The following CLEC20A variants were observed in gnomAD, a reference collection of about 807,000 sequenced individuals.
CLEC20A encodes the protein C-type lectin domain containing 20A.
At chr1:178,498,666 A>G (rs1458254106), upstream of CLEC20A, among the ~76,000 whole-genome samples, 1 of 152,180 alleles carries the variant, frequency 6.6e-6, no homozygotes, top group Admixed American at 6.5e-5. Flanking sequence ...TGGGGAACCA[A>G]AAACAGCTTG....
chr1:178,493,365 A>G (rs532760709), intron 2 of CLEC20A: 2 of 152,546 alleles, frequency 1.3e-5, no homozygotes, highest in African/African-American at 4.8e-5. Flanking sequence ...CATGTTGGGC[A>G]CATGTTGAGG....
At chr1:178,494,701 C>T in exon 2 of CLEC20A, 2 of 399,370 alleles carry the variant, frequency 5.0e-6, no homozygotes, top group Non-Finnish European at 4.4e-6. Context: ...CACTTGGCTG[C>T]AGGTCAGCGA....
intron 7 of CLEC20A, chr1:178,481,617 T>C (rs1391349507): frequency 6.6e-6 from 1 of 152,140 alleles, no homozygotes; most frequent in East Asian, 1.9e-4. Context: ...AAAAATAAAG[T>C]CTGGAACAAA....
At chr1:178,490,503 C>T (rs1474536698) in intron 3 of CLEC20A, 66 bp from the exon 4 acceptor site, 4 of 398,064 alleles carry the variant, frequency 1.0e-5, no homozygotes, top group Non-Finnish European at 1.8e-5. Context: ...CAGCCTTCAT[C>T]ACCCTTGGGG....
At chr1:178,483,348 TG>T (rs1233839255) in intron 5 of CLEC20A, 66 bp from the exon 6 acceptor site, 1 of 397,906 alleles carries the variant, frequency 2.5e-6, no homozygotes, top group East Asian at 3.6e-5. Context: ...CTGATATTGG[TG>T]ACTGCCCCTG....
At position 178,488,488 on chromosome 1, in the gene CLEC20A, AG is replaced by A; in HGVS notation, c.928+12del. Reference sequence around the variant, plus strand: ...TGAAGACCCAGATCCAGCCAAGGGCAGGCTCAAAGCACCTCTGCCTGGCCTG... The same window carrying A: ...TGAAGACCCAGATCCAGCCAAGGGCAGCTCAAAGCACCTCTGCCTGGCCTG... On this transcript the variant is annotated intron_variant, in intron 5 of 7. Transcript: ENST00000623247. 1 of 398,792 alleles carries A rather than the reference AG, an allele frequency of 2.5e-6. No homozygotes were observed. 24.7% of individuals were successfully genotyped at this position (398,792 alleles called of 1,614,324 possible).
At chr1:178,488,379 C>T (rs1014744760) in intron 5 of CLEC20A, 122 bp downstream of exon 5, 9 of 396,654 alleles carry the variant, frequency 2.3e-5, no homozygotes, top group Non-Finnish European at 3.1e-5. Flanking sequence ...ACCCCCTTAG[C>T]TCACCCCTTT....
At chr1:178,487,695 T>C (rs577022460) in intron 5 of CLEC20A, among the ~76,000 whole-genome samples, 1 of 152,298 alleles carries the variant, frequency 6.6e-6, no homozygotes, top group Admixed American at 6.5e-5. Flanking sequence ...TTTCGTTGTG[T>C]CCCCAAAATC....
intron 7 of CLEC20A, chr1:178,479,991 C>T (rs1400430321): frequency 6.7e-6 from 1 of 148,652 alleles, no homozygotes; most frequent in African/African-American, 2.6e-5. Context: ...AGGATTGGGC[C>T]TGGCCAGGCT....
chr1:178,482,761 T>G (rs1434620034), intron 6 of CLEC20A: 1 of 213,078 alleles, frequency 4.7e-6, no homozygotes, highest in Non-Finnish European at 9.1e-6. Context: ...CCACAGAAAA[T>G]TCTAAAGAAG....
intron 6 of CLEC20A, chr1:178,482,870 T>C (rs965029929): frequency 2.0e-5 from 5 of 245,194 alleles, no homozygotes; most frequent in Admixed American, 5.5e-5. Context: ...TGCATTGCAT[T>C]TTATTGTTTA....
chr1:178,497,998 A>G (rs1649440794), upstream of CLEC20A, among the ~76,000 whole-genome samples: 1 of 152,032 alleles, frequency 6.6e-6, no homozygotes, highest in East Asian at 1.9e-4. Context: ...ATTGTGGACC[A>G]GGCAGGCTTT....
intron 5 of CLEC20A, among the ~76,000 whole-genome samples, chr1:178,487,206 C>CA (rs1260235928): frequency 6.6e-6 from 1 of 152,216 alleles, no homozygotes; most frequent in Non-Finnish European, 1.5e-5. Flanking sequence ...CAGGGGCGAG[C>CA]AGGGAGGGCC....
At chr1:178,480,850 C>T (rs1188460885) in intron 7 of CLEC20A, 1 of 151,732 alleles carries the variant, frequency 6.6e-6, no homozygotes, top group African/African-American at 2.4e-5. Flanking sequence ...TCTACCTCCA[C>T]CACCCCCCAC....
chr1:178,492,830 G>A (rs977506400), intron 2 of CLEC20A, among the ~76,000 whole-genome samples: 5 of 152,204 alleles, frequency 3.3e-5, no homozygotes, highest in Non-Finnish European at 5.9e-5. Flanking sequence ...ATCTTGTAGA[G>A]AGCTGGGAGG....
At chr1:178,479,330 C>T in exon 8 of CLEC20A, 1 of 366,818 alleles carries the variant, frequency 2.7e-6, no homozygotes, top group Non-Finnish European at 4.8e-6. Context: ...ATACACCCAT[C>T]TTCTCCTGCA....
At position 178,482,231 on chromosome 1, in the gene CLEC20A, C is replaced by G. The variant is rs1305350693; in HGVS notation, c.1122+81G>C. ...AGGTCATATTCCACAGGTTTTCCAC[C>G]TTAATATATTGGTTTTTATAAGATT... On this transcript the variant is annotated intron_variant, in intron 7 of 7. Coordinates refer to ENST00000623247, the Ensembl canonical transcript of CLEC20A. The G allele has an allele frequency of 7.5e-6, 3 of 397,722 alleles. No homozygotes were observed. The Admixed American group carries it at 1.3e-4, about 18-fold the overall frequency. 24.6% of individuals were successfully genotyped at this position (397,722 alleles called of 1,614,324 possible).
At chr1:178,492,129 C>T in intron 3 of CLEC20A, among the ~76,000 whole-genome samples, 1 of 151,840 alleles carries the variant, frequency 6.6e-6, no homozygotes, top group East Asian at 1.9e-4. Context: ...ACTAAAAATA[C>T]AAAAAATTAG....
At chr1:178,494,689 G>A (rs1436929778) in exon 2 of CLEC20A, 7 of 399,206 alleles carry the variant, frequency 1.8e-5, no homozygotes, top group African/African-American at 1.4e-4. Flanking sequence ...GCTTCCACAG[G>A]CCACTTGGCT....
Sources: gnomAD v4.1 joint callset for allele counts (sites outside exome capture counted in the v4.1 genomes callset) on GRCh38, gnomAD v4.1.1 for gene constraint, MANE v1.5 for transcripts, NCBI Gene and HGNC (gene_info 2026-07-23, HGNC 2026-07-21) for gene names.